Variants in GTPBP10 observed in about 807,000 individuals in gnomAD.
GTPBP10 encodes the protein GTP-binding protein 10.
GTPBP10 carries 38 observed loss-of-function variants against 44.8 expected under a neutral mutation model. The ratio of observed to expected loss-of-function variants is 0.85; its 90% CI spans 0.65 to 1.11. GTPBP10 has a LOEUF of 1.11. GTPBP10 is among the 50% of genes most tolerant of loss of function. GTPBP10 has a pLI of 0.00. For synonymous variants in GTPBP10, 152 were observed against 150.6 expected, an observed-to-expected ratio of 1.01 and a Z score of -0.07; for missense variants, 462 against 453.7, an observed-to-expected ratio of 1.02 and a Z score of -0.17.
intron 4 of GTPBP10, among the ~76,000 whole-genome samples, chr7:90,356,122 C>A (rs1332343102): frequency 6.6e-6 from 1 of 152,066 alleles, no homozygotes; most frequent in East Asian, 1.9e-4. Flanking sequence ...AAGTTCTTTT[C>A]ATGTTCCTCT....
Position 90,355,172 on chromosome 7 carries a change from G to C in GTPBP10, c.406G>C (p.Gly136Arg). The C allele has an allele frequency of 6.2e-7, 1 of 1,605,614 alleles. No homozygotes were observed. Among genetic ancestry groups the C allele is most frequent in the South Asian group, 1.1e-5 (1 of 90,246 alleles). The change falls in exon 4 of 10, where the codon GGC becomes CGC. Residue 136 changes from glycine (G) to arginine (R), a missense_variant. By Grantham distance (125) the Gly-to-Arg change is moderately radical. Coordinates refer to ENST00000222511, the MANE Select transcript of GTPBP10 (RefSeq NM_033107.4). Reference protein sequence around the residue: ...KLLTNFLPLKGQKRIIHLDLK... With the variant: ...KLLTNFLPLKRQKRIIHLDLK... The stretch of plus-strand genomic sequence containing the variant: ...ACTTACAAATTTCTTACCATTGAAA[G>C]GCCAGAAACGAATAATTCACCTTGA...
At chr7:90,359,586 G>A (rs1309771488) in intron 4 of GTPBP10, among the ~76,000 whole-genome samples, 1 of 152,132 alleles carries the variant, frequency 6.6e-6, no homozygotes, top group Non-Finnish European at 1.5e-5. Context: ...ATTGTGAATA[G>A]TGCCACAATA....
Position 90,372,178 on chromosome 7 carries a change from C to G in GTPBP10, c.488C>G (p.Ser163Cys), listed in dbSNP as rs750758757. Reference protein sequence around the residue: ...LVGFPNAGKSSLLSCVSHAKP... With the variant: ...LVGFPNAGKSCLLSCVSHAKP... ...AGATTCCCAAATGCTGGAAAATCCT[C>G]TTTGCTAAGTTGTGTTTCTCATGCA... The change falls in exon 5 of 10, where the codon TCT becomes TGT. Residue 163 changes from serine (S) to cysteine (C), a missense_variant. Transcript: ENST00000222511. The G allele has an allele frequency of 5.0e-6, 8 of 1,605,808 alleles. No individual in the cohort carries two copies. The highest frequency in any genetic ancestry group is 6.8e-6 in the Non-Finnish European group (8 of 1,175,200).
chr7:90,390,472 A>G lies in GTPBP10; in HGVS notation c.*5318A>G, dbSNP rs1158617346. ...TTTCAGAGAAAGTAATCACCTTTGT[A>G]TATATTATTAATGTGTTTATAATAG... On this transcript the variant is annotated 3_prime_UTR_variant, in exon 10 of 10. Transcript: ENST00000222511. 2 of 152,212 alleles carry G rather than the reference A, an allele frequency of 1.3e-5. No individual in the cohort carries two copies. Among genetic ancestry groups the G allele is most frequent in the African/African-American group, 4.8e-5 (2 of 41,444 alleles). 9.4% of individuals were successfully genotyped at this position (152,212 alleles called of 1,614,324 possible).
intron 4 of GTPBP10, among the ~76,000 whole-genome samples, chr7:90,357,997 T>C (rs1223699335): frequency 6.6e-6 from 1 of 152,100 alleles, no homozygotes; most frequent in Non-Finnish European, 1.5e-5. Context: ...AGTCAAACTA[T>C]CTGTTTGCCC....
At chr7:90,362,026 T>C (rs555399378) in intron 4 of GTPBP10, among the ~76,000 whole-genome samples, 1 of 152,316 alleles carries the variant, frequency 6.6e-6, no homozygotes, top group South Asian at 2.1e-4. Context: ...TCTCTTTTCC[T>C]CTTTATTAGT....
intron 1 of GTPBP10, 64 bp downstream of exon 1, chr7:90,346,838 C>T (rs1302639142): frequency 2.6e-6 from 4 of 1,548,612 alleles, no homozygotes; most frequent in African/African-American, 1.4e-5. Flanking sequence ...TCTTTGCTCC[C>T]CTGTCTCTCC....
At chr7:90,384,802 T>C in intron 9 of GTPBP10, 90 bp from the exon 10 acceptor site, 1 of 1,325,962 alleles carries the variant, frequency 7.5e-7, no homozygotes, top group East Asian at 2.4e-5. Context: ...CTGGTGTTGG[T>C]TCCCTGCTTC....
chr7:90,378,170 C>G lies in GTPBP10; in HGVS notation c.736C>G (p.Gln246Glu), dbSNP rs1339314453. 6.2e-7 allele frequency: 1 copy of G among 1,613,060 alleles called. No individual in the cohort carries two copies. Among genetic ancestry groups the G allele is most frequent in the Non-Finnish European group, 8.5e-7 (1 of 1,179,532 alleles). The change falls in exon 8 of 10, where the codon CAA (glutamine) becomes GAA (glutamate). Residue 246 changes from glutamine (Q) to glutamate (E), a missense_variant. Transcript: ENST00000222511. ...TGGATTTCAGCTTTCTTCTCACACT[C>G]AATACAGGACAGCTTTTGAAACCAT... The part of the protein sequence containing the change: ...ISGFQLSSHT[Q>E]YRTAFETIIL...
rs1796568502 is a variant in GTPBP10 at position 90,388,788 on chromosome 7, C to T, written c.*3634C>T. The stretch of plus-strand genomic sequence containing the variant: ...GATTCCTTTCAGTAGTTAATGAAAG[C>T]TACAGACTTGTCTTGCCGAAAAATG... On this transcript the variant is annotated 3_prime_UTR_variant, in exon 10 of 10. Coordinates refer to ENST00000222511, the MANE Select transcript of GTPBP10 (RefSeq NM_033107.4). 6.6e-6 allele frequency: 1 copy of T among 152,150 alleles called. No individual in the cohort carries two copies. Among genetic ancestry groups the T allele is most frequent in the African/African-American group, 2.4e-5 (1 of 41,450 alleles). 9.4% of individuals were successfully genotyped at this position (152,150 alleles called of 1,614,324 possible). A position where few individuals can be genotyped will look rare whatever the true frequency, so the allele number is the denominator to read the frequency against.
intron 2 of GTPBP10, 22 bp downstream of exon 2, chr7:90,353,031 T>G: frequency 6.8e-7 from 1 of 1,476,422 alleles, no homozygotes; most frequent in East Asian, 2.3e-5. Context: ...CTGAATGACT[T>G]AAATTTTAGA....
intron 7 of GTPBP10, chr7:90,377,896 T>C (rs1796368719): frequency 2.6e-6 from 1 of 380,230 alleles, no homozygotes; most frequent in Non-Finnish European, 3.6e-6. Context: ...TATATGAGAT[T>C]GTCTTCATAC....
chr7:90,368,831 A>T (rs1246796870), intron 4 of GTPBP10, among the ~76,000 whole-genome samples: 1 of 152,136 alleles, frequency 6.6e-6, no homozygotes, highest in African/African-American at 2.4e-5. Flanking sequence ...GTTTTGTTCC[A>T]TTGCTGGCGA....
rs1178516571 is a variant in GTPBP10 at position 90,385,172 on chromosome 7, T to G, written c.*18T>G. ...TAATTTAAATATATTAAAAATGGTA[T>G]TGATGGAACAGTATTTAATGCTTAA... On this transcript the variant is annotated 3_prime_UTR_variant, in exon 10 of 10. Coordinates refer to ENST00000222511, the MANE Select transcript of GTPBP10 (RefSeq NM_033107.4). 7 of 1,535,386 alleles carry G rather than the reference T, an allele frequency of 4.6e-6. No homozygotes were observed. The highest frequency in any genetic ancestry group is 6.2e-6 in the Non-Finnish European group (7 of 1,125,602).
chr7:90,383,802 T>C (rs921825740), intron 9 of GTPBP10: 19 of 152,208 alleles, frequency 1.2e-4, no homozygotes, highest in African/African-American at 3.9e-4. Flanking sequence ...GTGGCTAACA[T>C]GTTTTTCAAT....
chr7:90,368,149 C>A (rs952350008), intron 4 of GTPBP10, among the ~76,000 whole-genome samples: 5 of 152,200 alleles, frequency 3.3e-5, no homozygotes, highest in African/African-American at 1.2e-4. Context: ...CCAAGAGATC[C>A]ACTGTTAGTC....
At chr7:90,372,115 A>T (rs1169307494) in intron 4 of GTPBP10, 40 bp from the exon 5 acceptor site, 13 of 1,211,884 alleles carry the variant, frequency 1.1e-5, no homozygotes, top group Non-Finnish European at 1.6e-5. Flanking sequence ...CAGAGATAAT[A>T]ATATTGACAT....
At position 90,390,080 on chromosome 7, in the gene GTPBP10, T is replaced by C. The variant is rs1475415542; in HGVS notation, c.*4926T>C. 2.0e-5 allele frequency: 3 copies of C among 152,214 alleles called. No individual in the cohort carries two copies. The highest frequency in any genetic ancestry group is 6.5e-5 in the Admixed American group (1 of 15,278). 9.4% of individuals were successfully genotyped at this position (152,214 alleles called of 1,614,324 possible). A position where few individuals can be genotyped will look rare whatever the true frequency, so the allele number is the denominator to read the frequency against. ...TGCTAGGATTATAGGCATGAGCCAT[T>C]TATGCCCAGCCAGTTTTCTTTTTTC... is the stretch of plus-strand genomic sequence containing the variant. On this transcript the variant is annotated 3_prime_UTR_variant, in exon 10 of 10. Coordinates refer to ENST00000222511, the MANE Select transcript of GTPBP10 (RefSeq NM_033107.4).
intron 8 of GTPBP10, among the ~76,000 whole-genome samples, chr7:90,378,912 A>G (rs982477667): frequency 6.6e-6 from 1 of 152,104 alleles, no homozygotes; most frequent in Non-Finnish European, 1.5e-5. Flanking sequence ...CATGTTGGCC[A>G]GGCTGGTCTC....
Sources: allele counts gnomAD v4.1 joint callset (sites outside exome capture counted in the v4.1 genomes callset), GRCh38; gene constraint gnomAD v4.1.1; transcripts MANE v1.5; gene names NCBI Gene and HGNC (gene_info 2026-07-23, HGNC 2026-07-21).